DPY19L1: variants seen among roughly 807,000 people sequenced by gnomAD.
DPY19L1 encodes dpy-19 like C-mannosyltransferase 1, also known as protein C-mannosyl-transferase DPY19L1.
In DPY19L1, 35 loss-of-function variants were observed where a neutral mutation model predicts 96.9. That is an observed-to-expected ratio of 0.36 (90% CI 0.28 to 0.48). The LOEUF (loss-of-function observed/expected upper bound fraction) is 0.48. Ranked by LOEUF, DPY19L1 falls within the 20% of genes least tolerant of loss-of-function variation. The probability of loss-of-function intolerance (pLI) is 0.99; values close to 1 mark genes in which losing one functional copy is unlikely to be tolerated. For synonymous variants in DPY19L1, 205 were observed against 252.6 expected (o/e 0.81, Z 1.79); for missense variants, 521 against 777.9 (o/e 0.67, Z 3.93).
chr7:34,982,269 A>G (rs1387985590), intron 7 of DPY19L1, among the ~76,000 whole-genome samples: 1 of 152,220 alleles, frequency 6.6e-6, no homozygotes, highest in Non-Finnish European at 1.5e-5. Flanking sequence ...TTTCTCAAGT[A>G]TGATAACAGT....
intron 8 of DPY19L1, among the ~76,000 whole-genome samples, 168 bp downstream of exon 8, chr7:34,973,345 AG>A (rs1784766047): frequency 6.6e-6 from 1 of 152,216 alleles, no homozygotes; most frequent in Admixed American, 6.5e-5. Context: ...GAAGGCTGAT[AG>A]AAGAAATGTT....
At chr7:34,931,876 T>C (rs1414312518) in intron 21 of DPY19L1, 147 bp from the exon 22 acceptor site, 1 of 1,271,404 alleles carries the variant, frequency 7.9e-7, no homozygotes, top group African/African-American at 1.5e-5. Flanking sequence ...TAGCTATTTA[T>C]GTTTTTATAA....
intron 10 of DPY19L1, among the ~76,000 whole-genome samples, chr7:34,963,092 G>A (rs1395918627): frequency 6.6e-6 from 1 of 150,966 alleles, no homozygotes; most frequent in African/African-American, 2.4e-5. Flanking sequence ...CTGCTCGGAA[G>A]GCTGAGGCAG....
At chr7:34,996,530 C>A (rs964665309) in intron 6 of DPY19L1, among the ~76,000 whole-genome samples, 9 of 152,142 alleles carry the variant, frequency 5.9e-5, no homozygotes, top group African/African-American at 2.2e-4. Flanking sequence ...CAGAGTCTGT[C>A]CACTTCCCTC....
intron 7 of DPY19L1, among the ~76,000 whole-genome samples, chr7:34,973,822 TATC>T (rs1417588643): frequency 1.3e-5 from 2 of 152,240 alleles, no homozygotes; most frequent in East Asian, 1.9e-4. Context: ...AAAGCATTAA[TATC>T]ATGAATTGTC....
intron 9 of DPY19L1, among the ~76,000 whole-genome samples, chr7:34,967,191 G>C (rs112398316): frequency 0.02 from 2,994 of 152,160 alleles, 43 homozygotes; most frequent in Non-Finnish European, 0.028. Context: ...TCAATCATGT[G>C]AATTGTCTAC....
In DPY19L1 at chr7:34,943,837, A is replaced by G. The variant is rs190647668; in HGVS notation, c.1545-1198T>C. ...TAGCTTCTTCCTGAGCTCTTCAAAA[A>G]TAATTTCACCTCAAATGAAAAATTT... On this transcript the variant is annotated intron_variant, in intron 16 of 21. Transcript: ENST00000638088. Among the ~76,000 whole-genome samples, 200 of 152,034 alleles carry G rather than the reference A, an allele frequency of 1.3e-3. 1 individual carries two copies. In the East Asian group the frequency reaches 0.013, roughly 10 times the overall value.
chr7:35,006,934 TTTA>T, intron 6 of DPY19L1, among the ~76,000 whole-genome samples: 1 of 152,312 alleles, frequency 6.6e-6, no homozygotes, highest in Non-Finnish European at 1.5e-5. Context: ...AATCTCAACT[TTTA>T]TTTCTCAGTA....
chr7:34,960,427 CAAG>C, intron 10 of DPY19L1, among the ~76,000 whole-genome samples: 1 of 152,062 alleles, frequency 6.6e-6, no homozygotes, highest in Non-Finnish European at 1.5e-5. Flanking sequence ...GCTGTTTTAT[CAAG>C]AATCTTCATA....
intron 1 of DPY19L1, among the ~76,000 whole-genome samples, chr7:35,029,950 G>A (rs1246558887): frequency 6.6e-6 from 1 of 152,172 alleles, no homozygotes; most frequent in Non-Finnish European, 1.5e-5. Context: ...ATTACATTGG[G>A]CCATTCACCT....
At chr7:34,943,053 T>C (rs1784059976) in intron 16 of DPY19L1, among the ~76,000 whole-genome samples, 1 of 152,222 alleles carries the variant, frequency 6.6e-6, no homozygotes, top group Non-Finnish European at 1.5e-5. Context: ...GAGACAGAAA[T>C]GTGTGAGTTG....
intron 6 of DPY19L1, among the ~76,000 whole-genome samples, chr7:34,990,475 C>G (rs1404962621): frequency 6.6e-6 from 1 of 152,208 alleles, no homozygotes; most frequent in African/African-American, 2.4e-5. Context: ...CAAATCCCAT[C>G]CCCAAGCTAC....
At chr7:35,036,007 GA>G (rs900247291) in intron 1 of DPY19L1, among the ~76,000 whole-genome samples, 24 of 151,604 alleles carry the variant, frequency 1.6e-4, no homozygotes, top group South Asian at 6.3e-4. Flanking sequence ...GCAATGGGGG[GA>G]AAAAAAGTAC....
At chr7:34,966,475 A>C (rs578086689) in intron 10 of DPY19L1, among the ~76,000 whole-genome samples, 1 of 152,080 alleles carries the variant, frequency 6.6e-6, no homozygotes, top group African/African-American at 2.4e-5. Context: ...TTTATTTTGT[A>C]GAGATGAGAT....
intron 19 of DPY19L1, among the ~76,000 whole-genome samples, chr7:34,939,578 T>C (rs1300409770): frequency 6.6e-6 from 1 of 152,218 alleles, no homozygotes; most frequent in Admixed American, 6.5e-5. Flanking sequence ...ACTATTTTCC[T>C]TGGAAAACAG....
intron 8 of DPY19L1, among the ~76,000 whole-genome samples, chr7:34,970,042 G>A (rs1032720282): frequency 5.9e-5 from 9 of 152,174 alleles, no homozygotes; most frequent in African/African-American, 2.2e-4. Flanking sequence ...GAAAAGATAT[G>A]GGGTCCATTC....
intron 6 of DPY19L1, among the ~76,000 whole-genome samples, chr7:35,006,290 G>A (rs17793321): frequency 0.2 from 29,854 of 151,962 alleles, 3,307 homozygotes; most frequent in Admixed American, 0.35. Flanking sequence ...AGCTAACCCC[G>A]AACTCCAAAA....
At chr7:34,973,184 G>A (rs328888) in intron 8 of DPY19L1, among the ~76,000 whole-genome samples, 1,542 of 152,218 alleles carry the variant, frequency 0.01, 29 homozygotes, top group African/African-American at 0.033. Context: ...ACTATAGCAT[G>A]ACCAGCCTTT....
intron 8 of DPY19L1, among the ~76,000 whole-genome samples, chr7:34,971,939 T>C (rs1784732350): frequency 6.6e-6 from 1 of 152,222 alleles, no homozygotes; most frequent in Non-Finnish European, 1.5e-5. Flanking sequence ...ACTAATCACC[T>C]GGCCTCACAG....
Sources: gnomAD v4.1 joint callset for allele counts (sites outside exome capture counted in the v4.1 genomes callset) on GRCh38, gnomAD v4.1.1 for gene constraint, MANE v1.5 for transcripts, NCBI Gene and HGNC (gene_info 2026-07-23, HGNC 2026-07-21) for gene names.